Variants in CHST9 observed in about 807,000 individuals in gnomAD.
CHST9 encodes the protein GalNAc-4-sulfotransferase 2.
In CHST9, 41 loss-of-function variants were observed where a neutral mutation model predicts 44.4. That is an observed-to-expected ratio of 0.92 (90% CI 0.72 to 1.20). The LOEUF (loss-of-function observed/expected upper bound fraction) is 1.20, where lower values mean the gene tolerates loss of function less well. Ranked by LOEUF, CHST9 falls within the 50% of genes most tolerant of loss-of-function variation. The probability of loss-of-function intolerance (pLI) is 0.00; values close to 1 mark genes in which losing one functional copy is unlikely to be tolerated. For synonymous variants in CHST9, 171 were observed against 178.4 expected (o/e 0.96, Z 0.33); for missense variants, 504 against 516.5 (o/e 0.98, Z 0.23).
At chr18:27,115,442 T>A (rs1214828789) in intron 2 of CHST9, among the ~76,000 whole-genome samples, 1 of 152,200 alleles carries the variant, frequency 6.6e-6, no homozygotes, top group East Asian at 1.9e-4. Flanking sequence ...ATCAGACTTT[T>A]CCAAAGTGGC....
chr18:27,072,529 G>C (rs2057852115), intron 2 of CHST9, among the ~76,000 whole-genome samples: 1 of 152,102 alleles, frequency 6.6e-6, no homozygotes, highest in African/African-American at 2.4e-5. Context: ...GGTCGAAGTT[G>C]TAGGCTTGCG....
chr18:26,958,604 A>T (rs2056359036), intron 4 of CHST9, among the ~76,000 whole-genome samples: 1 of 152,238 alleles, frequency 6.6e-6, no homozygotes, highest in South Asian at 2.1e-4. Context: ...TAATATCCAG[A>T]ATCTATAAGG....
At chr18:26,971,813 TGGCTATGGATAGCTCCCAC>T (rs11273274) in intron 4 of CHST9, among the ~76,000 whole-genome samples, 96,911 of 151,056 alleles carry the variant, frequency 0.64, 31,499 homozygotes, top group African/African-American at 0.73. Context: ...AGAGCGCCCA[TGGCTATGGATAGCTCCCAC>T]GGCTATGGAT....
chr18:26,922,556 TA>T (rs772492395), intron 5 of CHST9, among the ~76,000 whole-genome samples: 2 of 152,062 alleles, frequency 1.3e-5, no homozygotes, highest in African/African-American at 2.4e-5. Context: ...AATGAGTATC[TA>T]AAAAAAATAT....
chr18:27,164,093 T>A (rs1222485866), intron 1 of CHST9, among the ~76,000 whole-genome samples: 1 of 152,086 alleles, frequency 6.6e-6, no homozygotes, highest in South Asian at 2.1e-4. Context: ...TGCTATAAAA[T>A]CCAGGAAAGG....
At chr18:27,050,373 G>C (rs1210758464) in intron 2 of CHST9, among the ~76,000 whole-genome samples, 2 of 152,110 alleles carry the variant, frequency 1.3e-5, no homozygotes, top group Non-Finnish European at 2.9e-5. Context: ...CGTGGTTTGG[G>C]ATAAGTGAAG....
At position 26,907,421 on chromosome 18, in the gene CHST9, C is replaced by T. The variant is rs778031618; in HGVS notation, c.*8838G>A. The T allele has an allele frequency of 1.3e-5, 2 of 152,100 alleles. No homozygotes were observed. The highest frequency in any genetic ancestry group is 2.4e-5 in the African/African-American group (1 of 41,386). The allele number at this position is 152,100 out of a possible 1,614,324, so 9.4% of individuals were successfully genotyped here. A position where few individuals can be genotyped will look rare whatever the true frequency, so the allele number is the denominator to read the frequency against. ...AGTGAGACATCTAGATGAAGCAGTC[C>T]CACAAGAAACTGGGAATCTGAATCA... On this transcript the variant is annotated 3_prime_UTR_variant, in exon 6 of 6. Transcript: ENST00000618847.
At chr18:27,025,515 T>C (rs975749416) in intron 3 of CHST9, among the ~76,000 whole-genome samples, 1 of 152,190 alleles carries the variant, frequency 6.6e-6, no homozygotes, top group African/African-American at 2.4e-5. Context: ...ATCAATGATA[T>C]GCTATTCTGT....
At chr18:27,150,810 A>G (rs2058653440) in intron 1 of CHST9, among the ~76,000 whole-genome samples, 1 of 152,220 alleles carries the variant, frequency 6.6e-6, no homozygotes, top group South Asian at 2.1e-4. Flanking sequence ...CAAAATATTA[A>G]GTAAAACAGA....
intron 2 of CHST9, among the ~76,000 whole-genome samples, chr18:27,067,791 G>A (rs976543011): frequency 4.6e-5 from 7 of 152,146 alleles, no homozygotes; most frequent in Non-Finnish European, 8.8e-5. Flanking sequence ...AGTTTATTAA[G>A]CCCCTGTGTC....
At chr18:27,016,799 C>T (rs1340860135) in intron 4 of CHST9, among the ~76,000 whole-genome samples, 1 of 151,994 alleles carries the variant, frequency 6.6e-6, no homozygotes, top group African/African-American at 2.4e-5. Flanking sequence ...ATATAGTATG[C>T]ACATATGATA....
chr18:26,996,774 ATGTATGTG>A (rs751020266), intron 4 of CHST9, among the ~76,000 whole-genome samples: 39 of 152,138 alleles, frequency 2.6e-4, no homozygotes, highest in Non-Finnish European at 4.3e-4. Context: ...GGCTGTGTGC[ATGTATGTG>A]TGTAATCTAA....
intron 4 of CHST9, among the ~76,000 whole-genome samples, chr18:27,014,883 T>C (rs780457046): frequency 7.2e-5 from 11 of 152,200 alleles, no homozygotes; most frequent in Non-Finnish European, 1.5e-4. Flanking sequence ...TTTTTGTCAT[T>C]CTTTTAGGGT....
chr18:27,003,303 A>G (rs2145230489), intron 4 of CHST9, among the ~76,000 whole-genome samples: 1 of 152,296 alleles, frequency 6.6e-6, no homozygotes, highest in East Asian at 1.9e-4. Context: ...ACAAGGAATC[A>G]TATTCATGAT....
chr18:26,974,655 C>T lies in CHST9; in HGVS notation c.203-30289G>A, dbSNP rs554874686. ...GCATATAGTAGGCAGAGCAGGCATA[C>T]TTATTTTCTTTCTTTTTTTTTTCCT... On this transcript the variant is annotated intron_variant, in intron 4 of 5. Coordinates refer to ENST00000618847, the MANE Select transcript of CHST9 (RefSeq NM_031422.6). Among the ~76,000 whole-genome samples, 3 of 151,210 alleles carry T rather than the reference C, an allele frequency of 2.0e-5. No homozygotes were observed. The South Asian group carries it at 6.3e-4, about 32-fold the overall frequency.
intron 2 of CHST9, among the ~76,000 whole-genome samples, chr18:27,070,024 A>C (rs1056334102): frequency 3.9e-5 from 6 of 152,218 alleles, no homozygotes; most frequent in African/African-American, 1.4e-4. Flanking sequence ...ATTTCATAGG[A>C]AGATAATTGG....
chr18:27,165,167 A>G (rs796136632), intron 1 of CHST9, among the ~76,000 whole-genome samples: 15 of 152,344 alleles, frequency 9.8e-5, no homozygotes, highest in African/African-American at 3.6e-4. Context: ...ACTGGCAGAC[A>G]AGATGGTTTG....
chr18:27,137,352 G>C (rs1239492368), intron 2 of CHST9, among the ~76,000 whole-genome samples: 5 of 108,438 alleles, frequency 4.6e-5, no homozygotes, highest in Non-Finnish European at 9.6e-5. Context: ...GTGTGTGTGT[G>C]TGTATAGAGA....
At chr18:27,102,564 T>C (rs895900570) in intron 2 of CHST9, among the ~76,000 whole-genome samples, 5 of 152,262 alleles carry the variant, frequency 3.3e-5, no homozygotes, top group African/African-American at 9.6e-5. Context: ...TGGGGAAATA[T>C]AGAATCTTAT....
Sources: allele counts gnomAD v4.1 joint callset (sites outside exome capture counted in the v4.1 genomes callset), GRCh38; gene constraint gnomAD v4.1.1; transcripts MANE v1.5; gene names NCBI Gene and HGNC (gene_info 2026-07-23, HGNC 2026-07-21).